The following ANKRD44 variants were observed in gnomAD, a reference collection of about 807,000 sequenced individuals.
ANKRD44 encodes serine/threonine-protein phosphatase 6 regulatory ankyrin repeat subunit B.
In ANKRD44, 35 loss-of-function variants were observed where a neutral mutation model predicts 116.0. The ratio of observed to expected loss-of-function variants is 0.30; its 90% confidence interval spans 0.23 to 0.40. The LOEUF (loss-of-function observed/expected upper bound fraction) is 0.40, where lower values mean the gene tolerates loss of function less well. Ranked by LOEUF, ANKRD44 falls within the 10% of genes least tolerant of loss-of-function variation. ANKRD44 has a pLI of 1.00. For missense variants in ANKRD44, 1,014 were observed against 1,242.6 expected (o/e 0.82, Z 2.77); for synonymous variants, 435 against 461.8 (o/e 0.94, Z 0.74).
At chr2:197,003,700 G>A (rs1298939573) in intron 21 of ANKRD44, among the ~76,000 whole-genome samples, 2 of 152,174 alleles carry the variant, frequency 1.3e-5, no homozygotes, top group Non-Finnish European at 2.9e-5. Flanking sequence ...CCTGAAGAGA[G>A]GATCTGGTCT....
intron 16 of ANKRD44, among the ~76,000 whole-genome samples, chr2:197,057,794 G>T (rs2077232316): frequency 6.6e-6 from 1 of 152,136 alleles, no homozygotes; most frequent in African/African-American, 2.4e-5. Context: ...GGGTTCAAAG[G>T]CTGCAGTGAG....
At chr2:197,294,751 C>T (rs530889185) in intron 1 of ANKRD44, among the ~76,000 whole-genome samples, 2 of 152,170 alleles carry the variant, frequency 1.3e-5, no homozygotes, top group African/African-American at 4.8e-5. Context: ...GACCTTTAAA[C>T]TGTGTTTGCT....
At chr2:197,216,869 A>AACACACACACACACACACACACAC (rs61641385) in intron 1 of ANKRD44, among the ~76,000 whole-genome samples, 2 of 139,734 alleles carry the variant, frequency 1.4e-5, no homozygotes, top group African/African-American at 2.8e-5. Flanking sequence ...ACATTGGTTA[A>AACACACACACACACACACACACAC]ACACACACAC....
At chr2:197,290,282 T>A (rs2083524907) in intron 1 of ANKRD44, among the ~76,000 whole-genome samples, 1 of 152,238 alleles carries the variant, frequency 6.6e-6, no homozygotes, top group Non-Finnish European at 1.5e-5. Flanking sequence ...AACTTTTTAA[T>A]TACGGCTATT....
At chr2:197,251,555 G>A (rs2082317996) in intron 1 of ANKRD44, among the ~76,000 whole-genome samples, 2 of 152,260 alleles carry the variant, frequency 1.3e-5, no homozygotes, top group South Asian at 4.2e-4. Flanking sequence ...CCATAAAATG[G>A]TTTCTCATTA....
chr2:197,289,051 A>G (rs1249643831), intron 1 of ANKRD44, among the ~76,000 whole-genome samples: 1 of 152,196 alleles, frequency 6.6e-6, no homozygotes, highest in Non-Finnish European at 1.5e-5. Flanking sequence ...ACTAGAAGAG[A>G]GGCTCTAAGT....
Position 197,023,054 on chromosome 2 carries a change from A to G in ANKRD44, c.1722+2142T>C, listed in dbSNP as rs2076527089. ...ACTCAAACAGTGCTTGGCACTATTC[A>G]CAGTCAGTGTATGTTGGATGAAAGG... On this transcript the variant is annotated intron_variant, in intron 17 of 27. Coordinates refer to ENST00000282272, the MANE Select transcript of ANKRD44 (RefSeq NM_001195144.2). Among the ~76,000 whole-genome samples, 3 of 152,328 alleles carry G rather than the reference A, an allele frequency of 2.0e-5. No individual in the cohort carries two copies. The South Asian group carries it at 6.2e-4, about 32-fold the overall frequency.
chr2:196,993,878 T>C (rs2075965078), intron 26 of ANKRD44, among the ~76,000 whole-genome samples: 2 of 152,204 alleles, frequency 1.3e-5, no homozygotes, highest in African/African-American at 4.8e-5. Flanking sequence ...GGCCCAGATC[T>C]TGCTGCAGAT....
intron 1 of ANKRD44, among the ~76,000 whole-genome samples, chr2:197,262,067 C>T (rs2082619499): frequency 6.6e-6 from 1 of 152,208 alleles, no homozygotes; most frequent in African/African-American, 2.4e-5. Context: ...AAACAGCTTA[C>T]TTCCTACCAG....
chr2:197,194,881 G>T (rs997090387), intron 1 of ANKRD44, among the ~76,000 whole-genome samples: 5 of 152,210 alleles, frequency 3.3e-5, no homozygotes, highest in Admixed American at 1.3e-4. Context: ...GATGAAGAAG[G>T]TAGGCACTAA....
intron 1 of ANKRD44, among the ~76,000 whole-genome samples, chr2:197,216,900 A>ACACACACT (rs1394039249): frequency 6.7e-6 from 1 of 149,468 alleles, no homozygotes; most frequent in Non-Finnish European, 1.5e-5. Context: ...ACACACACAC[A>ACACACACT]CTCCAAAAAC....
intron 21 of ANKRD44, among the ~76,000 whole-genome samples, chr2:196,975,628 A>ATT (rs2075751687): frequency 6.6e-5 from 10 of 151,048 alleles, no homozygotes; most frequent in African/African-American, 2.2e-4. Flanking sequence ...TTTTTTTTAA[A>ATT]AAAAATACAA....
intron 1 of ANKRD44, among the ~76,000 whole-genome samples, chr2:197,213,459 A>C (rs2081370236): frequency 6.6e-6 from 1 of 152,222 alleles, no homozygotes. Context: ...GATCTCTATG[A>C]AACATATTAA....
intron 1 of ANKRD44, among the ~76,000 whole-genome samples, chr2:197,300,034 A>G (rs1050742616): frequency 6.6e-6 from 1 of 152,226 alleles, no homozygotes; most frequent in Non-Finnish European, 1.5e-5. Flanking sequence ...CCATAAGGCA[A>G]CACCTTACTT....
At position 197,121,294 on chromosome 2, in the gene ANKRD44, T is replaced by C. The variant is rs1165852420; in HGVS notation, c.906+38A>G. ...TGATTTTGCTCAAACAGAAGCTCAA[T>C]GCAAAGGCATTCAACACAGAGACTA... On this transcript the variant is annotated intron_variant, in intron 8 of 27. Transcript: ENST00000282272. 3 of 1,589,796 alleles carry C rather than the reference T, an allele frequency of 1.9e-6. No individual in the cohort carries two copies. The African/African-American group carries it at 4.0e-5, about 21-fold the overall frequency.
intron 16 of ANKRD44, among the ~76,000 whole-genome samples, chr2:197,076,514 A>G (rs1196170367): frequency 6.6e-6 from 1 of 152,128 alleles, no homozygotes; most frequent in Non-Finnish European, 1.5e-5. Context: ...TTTTAAAAAA[A>G]CTTTTAGGTT....
intron 1 of ANKRD44, among the ~76,000 whole-genome samples, chr2:197,242,720 A>G (rs1162118056): frequency 6.6e-6 from 1 of 152,208 alleles, no homozygotes; most frequent in Admixed American, 6.5e-5. Context: ...ACTCTAGTCT[A>G]GGAGAGTTGG....
intron 14 of ANKRD44, among the ~76,000 whole-genome samples, chr2:197,082,654 T>A (rs2077824962): frequency 6.6e-6 from 1 of 152,214 alleles, no homozygotes; most frequent in Admixed American, 6.5e-5. Context: ...GAGAAGCAAT[T>A]ACCACTGACC....
intron 1 of ANKRD44, among the ~76,000 whole-genome samples, chr2:197,207,877 C>G (rs1278775471): frequency 1.3e-5 from 2 of 152,206 alleles, no homozygotes; most frequent in East Asian, 1.9e-4. Context: ...GCCTCTAACA[C>G]AACCAGCTTT....
Sources: gnomAD v4.1 joint callset for allele counts (sites outside exome capture counted in the v4.1 genomes callset) on GRCh38, gnomAD v4.1.1 for gene constraint, MANE v1.5 for transcripts, NCBI Gene and HGNC (gene_info 2026-07-23, HGNC 2026-07-21) for gene names.